The following ARPP21 variants were observed in gnomAD, a reference collection of about 807,000 sequenced individuals.
The protein encoded by ARPP21 is cAMP regulated phosphoprotein 21.
Under a neutral mutation model 113.2 loss-of-function variants are expected in ARPP21, and 69 were observed. The ratio of observed to expected loss-of-function variants is 0.61; its 90% CI spans 0.50 to 0.74. ARPP21 has a LOEUF of 0.74. Ranked by LOEUF, ARPP21 falls within the 30% of genes least tolerant of loss-of-function variation. ARPP21 has a pLI of 0.00. For synonymous variants in ARPP21, 368 were observed against 375.5 expected, an observed-to-expected ratio of 0.98 and a Z score of 0.23; for missense variants, 1,070 against 1,037.4, an observed-to-expected ratio of 1.03 and a Z score of -0.43.
intron 1 of ARPP21, among the ~76,000 whole-genome samples, chr3:35,655,318 G>C (rs1704340714): frequency 1.3e-5 from 2 of 151,794 alleles, no homozygotes; most frequent in Non-Finnish European, 2.9e-5. Flanking sequence ...TTATTATTAT[G>C]ACTGATGGGG....
chr3:35,723,504 T>C (rs777957638), intron 14 of ARPP21, among the ~76,000 whole-genome samples: 8 of 152,192 alleles, frequency 5.3e-5, no homozygotes, highest in Non-Finnish European at 1.2e-4. Flanking sequence ...TATTCCACTA[T>C]TGTAGCAACT....
intron 1 of ARPP21, among the ~76,000 whole-genome samples, chr3:35,654,912 ATTAAATC>A (rs1285416253): frequency 6.6e-6 from 1 of 152,136 alleles, no homozygotes; most frequent in African/African-American, 2.4e-5. Flanking sequence ...TTTATTAAAT[ATTAAATC>A]TTATTTTATG....
chr3:35,734,095 G>A (rs941362807), intron 15 of ARPP21, among the ~76,000 whole-genome samples: 13 of 152,096 alleles, frequency 8.5e-5, no homozygotes, highest in South Asian at 4.1e-4. Context: ...GTGTATGTGC[G>A]TATGTGTGTG....
chr3:35,663,603 C>A (rs1337462802), intron 1 of ARPP21, among the ~76,000 whole-genome samples: 1 of 152,126 alleles, frequency 6.6e-6, no homozygotes, highest in African/African-American at 2.4e-5. Flanking sequence ...GGAGACAGAT[C>A]TGGAGGGATG....
chr3:35,655,512 G>T (rs1270711216), intron 1 of ARPP21, among the ~76,000 whole-genome samples: 1 of 151,994 alleles, frequency 6.6e-6, no homozygotes, highest in Non-Finnish European at 1.5e-5. Flanking sequence ...TAGAGAGTAA[G>T]ATGATGAATT....
intron 9 of ARPP21, among the ~76,000 whole-genome samples, 162 bp downstream of exon 9, chr3:35,691,167 A>G (rs554796726): frequency 6.6e-6 from 1 of 151,842 alleles, no homozygotes; most frequent in African/African-American, 2.4e-5. Flanking sequence ...GTAGAAGATT[A>G]TCTGAGAACC....
intron 11 of ARPP21, among the ~76,000 whole-genome samples, chr3:35,711,788 G>A (rs2091200596): frequency 6.6e-6 from 1 of 152,192 alleles, no homozygotes; most frequent in Admixed American, 6.5e-5. Context: ...TCTATAGGCT[G>A]TTTGGTGTCT....
intron 5 of ARPP21, chr3:35,685,796 T>G (rs2149531384): frequency 1.2e-6 from 1 of 860,718 alleles, no homozygotes; most frequent in African/African-American, 1.8e-5. Context: ...GGATATAAAC[T>G]TATCCTGTAC....
At chr3:35,715,399 T>A (rs778789733) in intron 11 of ARPP21, 40 bp from the exon 12 acceptor site, 1 of 1,591,772 alleles carries the variant, frequency 6.3e-7, no homozygotes, top group South Asian at 1.1e-5. Flanking sequence ...CCTCAGCATA[T>A]CCAGAACTTC....
chr3:35,653,234 T>A (rs1703220310), intron 1 of ARPP21, among the ~76,000 whole-genome samples: 1 of 151,868 alleles, frequency 6.6e-6, no homozygotes, highest in South Asian at 2.1e-4. Context: ...ACATTATCTC[T>A]GTTATGATAT....
At chr3:35,684,743 G>A (rs868208891) in intron 5 of ARPP21, 13 of 984,930 alleles carry the variant, frequency 1.3e-5, no homozygotes, top group Middle Eastern at 5.2e-4. Context: ...AGCATTGAGA[G>A]CACTTTCTTT....
chr3:35,688,680 A>G (rs2081319790), intron 6 of ARPP21, among the ~76,000 whole-genome samples: 1 of 151,670 alleles, frequency 6.6e-6, no homozygotes. Context: ...TTCTATAACC[A>G]TACATCTGCT....
intron 13 of ARPP21, among the ~76,000 whole-genome samples, chr3:35,719,058 C>T (rs1411019618): frequency 6.6e-6 from 1 of 151,754 alleles, no homozygotes; most frequent in Non-Finnish European, 1.5e-5. Context: ...CTCCAATGAC[C>T]AGATATCCCA....
intron 15 of ARPP21, among the ~76,000 whole-genome samples, chr3:35,730,097 T>G (rs913557969): frequency 6.6e-6 from 1 of 152,220 alleles, no homozygotes; most frequent in Non-Finnish European, 1.5e-5. Context: ...ATTATGTATT[T>G]TAGAAATGTC....
intron 19 of ARPP21, among the ~76,000 whole-genome samples, chr3:35,760,127 A>G (rs1559878714): frequency 6.6e-6 from 1 of 152,112 alleles, no homozygotes; most frequent in Non-Finnish European, 1.5e-5. Flanking sequence ...GCCAGGGTTT[A>G]TTCAAGAGGC....
intron 1 of ARPP21, among the ~76,000 whole-genome samples, chr3:35,656,061 C>T (rs1704726792): frequency 6.6e-6 from 1 of 152,000 alleles, no homozygotes; most frequent in African/African-American, 2.4e-5. Flanking sequence ...ACAAACTAAT[C>T]TTAGAATAAC....
chr3:35,650,603 C>T (rs1702006034), intron 1 of ARPP21: 1 of 151,566 alleles, frequency 6.6e-6, no homozygotes, highest in African/African-American at 2.4e-5. Context: ...ATATTGTTTC[C>T]AGAAAACAAA....
At position 35,687,607 on chromosome 3, in the gene ARPP21, T is replaced by C. The variant is rs180946916; in HGVS notation, c.262-132T>C. 2.0e-4 allele frequency: 146 copies of C among 737,038 alleles called. 2 individuals carry two copies. The East Asian group carries it at 3.5e-3, about 18-fold the overall frequency. 45.7% of individuals were successfully genotyped at this position (737,038 alleles called of 1,614,324 possible). A position where few individuals can be genotyped will look rare whatever the true frequency, so the allele number is the denominator to read the frequency against. On this transcript the variant is annotated intron_variant, in intron 5 of 20. Transcript: ENST00000684406. ...GCAATTAATTTCCTGACAGGTTTAA[T>C]TTTTACCATTTAGAAAAAAAAAATC...
At chr3:35,779,397 G>A (rs1484383891) in intron 19 of ARPP21, among the ~76,000 whole-genome samples, 3 of 152,170 alleles carry the variant, frequency 2.0e-5, no homozygotes, top group African/African-American at 7.2e-5. Flanking sequence ...TGGCATGTAT[G>A]TTGGGGAAGT....
Sources: gnomAD v4.1 joint callset for allele counts (sites outside exome capture counted in the v4.1 genomes callset) on GRCh38, gnomAD v4.1.1 for gene constraint, MANE v1.5 for transcripts, NCBI Gene and HGNC (gene_info 2026-07-23, HGNC 2026-07-21) for gene names.